SETD7: variants seen among roughly 807,000 people sequenced by gnomAD.
SETD7 encodes histone-lysine N-methyltransferase SETD7.
SETD7 carries 16 observed loss-of-function variants against 41.8 expected under a neutral mutation model. The observed-to-expected ratio is 0.38, with a 90% CI of 0.26 to 0.58. The LOEUF (loss-of-function observed/expected upper bound fraction) is 0.58, where lower values mean the gene tolerates loss of function less well. Ranked by LOEUF, SETD7 falls within the 20% of genes least tolerant of loss-of-function variation. The pLI is 0.64. For missense variants in SETD7, 346 were observed against 459.7 expected, an observed-to-expected ratio of 0.75 and a Z score of 2.26; for synonymous variants, 163 against 169.7, an observed-to-expected ratio of 0.96 and a Z score of 0.31.
intron 3 of SETD7, among the ~76,000 whole-genome samples, chr4:139,529,591 C>T (rs1388876228): frequency 6.6e-6 from 1 of 152,144 alleles, no homozygotes; most frequent in Non-Finnish European, 1.5e-5. Flanking sequence ...GGAAATGTAA[C>T]TAAGTGTTAT....
At chr4:139,526,112 G>A (rs1328897825) in intron 4 of SETD7, among the ~76,000 whole-genome samples, 5 of 151,968 alleles carry the variant, frequency 3.3e-5, no homozygotes, top group Non-Finnish European at 7.4e-5. Flanking sequence ...ATGCAGTGGT[G>A]CTATCTTGGC....
intron 4 of SETD7, among the ~76,000 whole-genome samples, chr4:139,525,898 C>T (rs1421833003): frequency 6.6e-6 from 1 of 152,140 alleles, no homozygotes; most frequent in Non-Finnish European, 1.5e-5. Flanking sequence ...TGGTTCCTGG[C>T]CCTTTTGAGG....
chr4:139,531,098 T>C (rs1727472456), intron 3 of SETD7, among the ~76,000 whole-genome samples: 1 of 152,204 alleles, frequency 6.6e-6, no homozygotes, highest in East Asian at 1.9e-4. Flanking sequence ...CCCATTTCTC[T>C]ACTGGGTAGG....
chr4:139,501,547 G>A (rs1726575712), downstream of SETD7, among the ~76,000 whole-genome samples: 1 of 151,436 alleles, frequency 6.6e-6, no homozygotes, highest in Non-Finnish European at 1.5e-5. Context: ...ATTACTCCAT[G>A]TAACAAAAAA....
Position 139,506,729 on chromosome 4 carries a change from C to T in SETD7, c.*4934G>A, listed in dbSNP as rs1026081102. The stretch of plus-strand genomic sequence containing the variant: ...AAACCCCACTCAAGTTGAATATCAT[C>T]ATAAAGGAGTTTTTGTTTGTTTGTT... On this transcript the variant is annotated 3_prime_UTR_variant, in exon 8 of 8. Coordinates refer to ENST00000274031, the MANE Select transcript of SETD7 (RefSeq NM_030648.4). 1 of 152,538 alleles carries T rather than the reference C, an allele frequency of 6.6e-6. No individual in the cohort carries two copies. Among genetic ancestry groups the T allele is most frequent in the Non-Finnish European group, 1.5e-5 (1 of 68,016 alleles). 9.4% of individuals were successfully genotyped at this position (152,538 alleles called of 1,614,324 possible).
At chr4:139,519,543 G>T (rs1316788994) in intron 6 of SETD7, among the ~76,000 whole-genome samples, 1 of 152,222 alleles carries the variant, frequency 6.6e-6, no homozygotes, top group Non-Finnish European at 1.5e-5. Context: ...TTTTGCCTGT[G>T]CAACTGCTTT....
At position 139,514,374 on chromosome 4, in the gene SETD7, C is replaced by A. The variant is rs56023447; in HGVS notation, c.921-2531G>T. Among the ~76,000 whole-genome samples, 230 of 152,094 alleles carry A rather than the reference C, an allele frequency of 1.5e-3. 1 individual carries two copies. The highest frequency in any genetic ancestry group is 5.3e-3 in the African/African-American group (222 of 41,502). ...AACCTCTGGTACACTGAAAAAAAAC[C>A]AAAAAACAGACCCTGTGTTGAATTT... On this transcript the variant is annotated intron_variant, in intron 7 of 7. Transcript: ENST00000274031.
intron 2 of SETD7, among the ~76,000 whole-genome samples, chr4:139,541,266 A>G (rs1727770622): frequency 6.6e-6 from 1 of 152,240 alleles, no homozygotes; most frequent in African/African-American, 2.4e-5. Flanking sequence ...CTTGTTCACC[A>G]TTCTAGGATT....
intron 4 of SETD7, among the ~76,000 whole-genome samples, chr4:139,528,083 C>T (rs958795981): frequency 1.1e-4 from 17 of 152,134 alleles, no homozygotes; most frequent in African/African-American, 4.1e-4. Flanking sequence ...ATATTGTTTT[C>T]AGGGAATCAG....
At chr4:139,493,526 A>C (rs550994493), downstream of SETD7, among the ~76,000 whole-genome samples, 639 of 151,970 alleles carry the variant, frequency 4.2e-3, 2 homozygotes, top group Non-Finnish European at 7.5e-3. Flanking sequence ...GGTGATGGCA[A>C]GATGTACTTT....
intron 5 of SETD7, among the ~76,000 whole-genome samples, chr4:139,521,271 C>CAA: frequency 6.6e-6 from 1 of 151,896 alleles, no homozygotes; most frequent in Non-Finnish European, 1.5e-5. Context: ...ACTAAAAATA[C>CAA]AAAAAATAGC....
At chr4:139,515,709 G>T (rs753127702) in intron 7 of SETD7, among the ~76,000 whole-genome samples, 12 of 152,216 alleles carry the variant, frequency 7.9e-5, no homozygotes, top group Non-Finnish European at 8.8e-5. Flanking sequence ...GTTAAGGGCT[G>T]CCAAGGAGAG....
At chr4:139,542,532 T>C (rs1006301914) in intron 2 of SETD7, among the ~76,000 whole-genome samples, 1 of 152,146 alleles carries the variant, frequency 6.6e-6, no homozygotes, top group Non-Finnish European at 1.5e-5. Flanking sequence ...TATGTGTCAA[T>C]TAAAATAAAA....
chr4:139,530,688 C>A (rs1266129766), intron 3 of SETD7, among the ~76,000 whole-genome samples: 1 of 152,108 alleles, frequency 6.6e-6, no homozygotes, highest in Non-Finnish European at 1.5e-5. Context: ...TCCAGGGTCT[C>A]ACACCTTTCC....
In SETD7 at chr4:139,519,639, G is replaced by T. The variant is rs2111133341; in HGVS notation, c.762+638C>A. The stretch of plus-strand genomic sequence containing the variant: ...TAAATGCAAAGGTGAACATAAATGT[G>T]GAATATTAGCCATAAGCTTAAGGTC... On this transcript the variant is annotated intron_variant, in intron 6 of 7. Coordinates refer to ENST00000274031, the MANE Select transcript of SETD7 (RefSeq NM_030648.4). Among the ~76,000 whole-genome samples the T allele has an allele frequency of 1.3e-5, 2 of 152,308 alleles. 1 individual carries two copies. The highest frequency in any genetic ancestry group is 4.1e-4 in the South Asian group (2 of 4,828).
intron 7 of SETD7, among the ~76,000 whole-genome samples, chr4:139,515,676 C>T (rs1300901376): frequency 6.6e-6 from 1 of 152,212 alleles, no homozygotes; most frequent in African/African-American, 2.4e-5. Context: ...GTCCTTTAAA[C>T]AGAAGTTGTA....
At chr4:139,513,834 T>C (rs1726947233) in intron 7 of SETD7, among the ~76,000 whole-genome samples, 1 of 152,234 alleles carries the variant, frequency 6.6e-6, no homozygotes, top group Admixed American at 6.5e-5. Context: ...TGGCACAAAG[T>C]AGGATTCAAC....
chr4:139,553,330 A>G (rs1728164769), intron 1 of SETD7, among the ~76,000 whole-genome samples: 2 of 152,244 alleles, frequency 1.3e-5, no homozygotes, highest in Admixed American at 1.3e-4. Flanking sequence ...TGCAGAGGAC[A>G]CAGGTTCTTT....
exon 8 of SETD7, chr4:139,496,007 C>T (rs943987468): frequency 5.6e-6 from 1 of 178,156 alleles, no homozygotes; most frequent in Non-Finnish European, 1.2e-5. Context: ...AGATCATGAA[C>T]TCGTACTCAT....
Sources: allele counts gnomAD v4.1 joint callset (sites outside exome capture counted in the v4.1 genomes callset), GRCh38; gene constraint gnomAD v4.1.1; transcripts MANE v1.5; gene names NCBI Gene and HGNC (gene_info 2026-07-23, HGNC 2026-07-21).